PPM1H: variants seen among roughly 807,000 people sequenced by gnomAD.
PPM1H encodes protein phosphatase, Mg2+/Mn2+ dependent 1H, also known as protein phosphatase 1H.
PPM1H carries 27 observed loss-of-function variants against 54.9 expected under a neutral mutation model. The observed-to-expected ratio is 0.49, with a 90% CI of 0.36 to 0.68. The LOEUF is 0.68. PPM1H is among the 30% of genes least tolerant of loss of function. PPM1H has a pLI of 0.00. For synonymous variants in PPM1H, 305 were observed against 270.8 expected (o/e 1.13, Z -1.24); for missense variants, 596 against 667.8 (o/e 0.89, Z 1.19).
intron 1 of PPM1H, among the ~76,000 whole-genome samples, chr12:62,845,519 T>C (rs1366450728): frequency 2.0e-5 from 3 of 152,244 alleles, no homozygotes; most frequent in Non-Finnish European, 4.4e-5. Flanking sequence ...ATATGAGGTA[T>C]GGAAAGTCTT....
At chr12:62,894,334 A>C (rs1487964696) in intron 1 of PPM1H, among the ~76,000 whole-genome samples, 2 of 152,212 alleles carry the variant, frequency 1.3e-5, no homozygotes, top group Non-Finnish European at 2.9e-5. Context: ...TTGGGATAAA[A>C]GGCAAGGGCA....
In PPM1H at chr12:62,867,564, A is replaced by ATTTTTTTTTTTTTTTTTTTTTTT. The variant is rs34772338; in HGVS notation, c.246-35308_246-35286dup. On this transcript the variant is annotated intron_variant, in intron 1 of 9. Coordinates refer to ENST00000228705, the MANE Select transcript of PPM1H (RefSeq NM_020700.2). ...TCCTGAAATACATCTTATGAGCACT[A>ATTTTTTTTTTTTTTTTTTTTTTT]TTTTTTTTTTTTTTTTTTTTTTTTT... 1.6e-4 allele frequency among the ~76,000 whole-genome samples: 9 copies of ATTTTTTTTTTTTTTTTTTTTTTT among 55,370 alleles called. 2 individuals carry two copies. Among genetic ancestry groups the ATTTTTTTTTTTTTTTTTTTTTTT allele is most frequent in the East Asian group, 1.3e-3 (2 of 1,500 alleles). The allele number at this position is 55,370 out of a possible 152,430, so 36.3% of individuals were successfully genotyped here.
chr12:62,696,468 T>C (rs1478839481), intron 6 of PPM1H, among the ~76,000 whole-genome samples: 5 of 152,170 alleles, frequency 3.3e-5, no homozygotes, highest in Non-Finnish European at 4.4e-5. Flanking sequence ...ATAGCACCAA[T>C]GAGGAGGAAA....
chr12:62,852,571 C>A (rs1869236231), intron 1 of PPM1H, among the ~76,000 whole-genome samples: 1 of 152,188 alleles, frequency 6.6e-6, no homozygotes, highest in Admixed American at 6.5e-5. Flanking sequence ...AAAATGCCAT[C>A]ATGTAGAGGA....
chr12:62,834,311 T>C (rs1407577101), intron 1 of PPM1H, among the ~76,000 whole-genome samples: 1 of 152,168 alleles, frequency 6.6e-6, no homozygotes, highest in Non-Finnish European at 1.5e-5. Context: ...GACATTTTCA[T>C]ATGGCTTAAG....
At position 62,791,848 on chromosome 12, in the gene PPM1H, C is replaced by T. The variant is rs572485553; in HGVS notation, c.757-3510G>A. Among the ~76,000 whole-genome samples the T allele has an allele frequency of 1.5e-3, 227 of 152,266 alleles. 1 individual carries two copies. The highest frequency in any genetic ancestry group is 0.014 in the Middle Eastern group (4 of 294). On this transcript the variant is annotated intron_variant, in intron 3 of 9. Transcript: ENST00000228705. ...CTGAGATAGGAGAATTGCTTGAACC[C>T]GGGAGCCGGAGGTTGCAGTGAGCCA...
At chr12:62,895,020 T>C (rs1870933574) in intron 1 of PPM1H, among the ~76,000 whole-genome samples, 2 of 152,376 alleles carry the variant, frequency 1.3e-5, no homozygotes, top group Non-Finnish European at 1.5e-5. Context: ...TTATTCTAGT[T>C]ATTCATCTCC....
At chr12:62,894,181 T>C (rs1870899156) in intron 1 of PPM1H, among the ~76,000 whole-genome samples, 1 of 152,188 alleles carries the variant, frequency 6.6e-6, no homozygotes. Context: ...ATGGTTGTGT[T>C]TAAGTCACTA....
intron 3 of PPM1H, among the ~76,000 whole-genome samples, chr12:62,793,252 A>G (rs1215728502): frequency 1.3e-5 from 2 of 152,200 alleles, no homozygotes; most frequent in Admixed American, 6.5e-5. Flanking sequence ...CTGCTTAATC[A>G]ATAGTCCTGA....
At chr12:62,742,135 C>A (rs2076384796) in intron 4 of PPM1H, among the ~76,000 whole-genome samples, 2 of 152,080 alleles carry the variant, frequency 1.3e-5, no homozygotes, top group Non-Finnish European at 2.9e-5. Flanking sequence ...TTTTTAATTT[C>A]AAATTCACAC....
intron 3 of PPM1H, among the ~76,000 whole-genome samples, chr12:62,791,885 C>T (rs1021325937): frequency 2.3e-4 from 35 of 152,312 alleles, no homozygotes; most frequent in African/African-American, 7.9e-4. Context: ...GATCGCACCA[C>T]ACCACTGCAC....
At chr12:62,705,959 T>C (rs1226227883) in intron 6 of PPM1H, among the ~76,000 whole-genome samples, 1 of 152,238 alleles carries the variant, frequency 6.6e-6, no homozygotes. Context: ...AGTTCCTCTG[T>C]GTCGGCCCTT....
At chr12:62,708,243 T>C (rs2076186174) in intron 6 of PPM1H, among the ~76,000 whole-genome samples, 2 of 152,188 alleles carry the variant, frequency 1.3e-5, no homozygotes, top group African/African-American at 4.8e-5. Flanking sequence ...TGTCTGAAGG[T>C]AAGAGGACGG....
At chr12:62,740,390 T>C (rs924061216) in intron 4 of PPM1H, among the ~76,000 whole-genome samples, 8 of 152,222 alleles carry the variant, frequency 5.3e-5, no homozygotes, top group African/African-American at 1.9e-4. Context: ...CTTCTTCTCC[T>C]GGTTTCCCTC....
chr12:62,649,658 C>T (rs1014310883), intron 9 of PPM1H, among the ~76,000 whole-genome samples: 1 of 152,190 alleles, frequency 6.6e-6, no homozygotes, highest in Admixed American at 6.5e-5. Context: ...ATTCTGATTT[C>T]GTGTTCACCA....
At chr12:62,901,148 G>A (rs954853499) in intron 1 of PPM1H, among the ~76,000 whole-genome samples, 5 of 152,166 alleles carry the variant, frequency 3.3e-5, no homozygotes, top group African/African-American at 1.2e-4. Context: ...CAAGTTTGGT[G>A]CCTTCTAATC....
intron 4 of PPM1H, among the ~76,000 whole-genome samples, chr12:62,749,969 G>C (rs1230975725): frequency 1.3e-5 from 2 of 151,394 alleles, no homozygotes; most frequent in Non-Finnish European, 2.9e-5. Flanking sequence ...TGCTATACCA[G>C]CAACACTCAT....
intron 1 of PPM1H, among the ~76,000 whole-genome samples, chr12:62,903,696 C>T (rs963822942): frequency 1.3e-5 from 2 of 150,780 alleles, no homozygotes; most frequent in Admixed American, 1.3e-4. Flanking sequence ...CTTATGTGTA[C>T]TAAGTAACCA....
intron 4 of PPM1H, among the ~76,000 whole-genome samples, chr12:62,738,894 A>G (rs2076365248): frequency 6.6e-6 from 1 of 151,816 alleles, no homozygotes; most frequent in Non-Finnish European, 1.5e-5. Context: ...AACAATCCCT[A>G]TAAATGGCTG....
Sources: allele counts gnomAD v4.1 joint callset (sites outside exome capture counted in the v4.1 genomes callset), GRCh38; gene constraint gnomAD v4.1.1; transcripts MANE v1.5; gene names NCBI Gene and HGNC (gene_info 2026-07-23, HGNC 2026-07-21).